The following LRRC47 variants were observed in gnomAD, a reference collection of about 807,000 sequenced individuals.
LRRC47 encodes leucine-rich repeat-containing protein 47.
In LRRC47, 31 loss-of-function variants were observed where a neutral mutation model predicts 40.9. The observed-to-expected ratio is 0.76, with a 90% CI of 0.57 to 1.02. The LOEUF is 1.02. LRRC47 is among the 50% of genes least tolerant of loss of function. The pLI, the probability that LRRC47 is intolerant of heterozygous loss-of-function variation, is 0.00. For missense variants in LRRC47, 726 were observed against 796.1 expected, an observed-to-expected ratio of 0.91 and a Z score of 1.06; for synonymous variants, 427 against 371.9, an observed-to-expected ratio of 1.15 and a Z score of -1.70.
rs535184278 is a variant in LRRC47 at position 3,780,257 on chromosome 1, G to A, written c.*831C>T. On this transcript the variant is annotated 3_prime_UTR_variant, in exon 7 of 7. Transcript: ENST00000378251. The stretch of plus-strand genomic sequence containing the variant: ...AGTTTTATTTATGTGTTTTCATCTG[G>A]AAAACCAAGTGTCCCAGCAGCATGA... 1.3e-5 allele frequency: 2 copies of A among 152,230 alleles called. No homozygotes were observed. Among genetic ancestry groups the A allele is most frequent in the East Asian group, 1.9e-4 (1 of 5,160 alleles). The allele number at this position is 152,230 out of a possible 1,614,324, so 9.4% of individuals were successfully genotyped here.
intron 2 of LRRC47, among the ~76,000 whole-genome samples, chr1:3,786,026 C>T (rs1210409063): frequency 6.6e-6 from 1 of 152,082 alleles, no homozygotes; most frequent in South Asian, 2.1e-4. Flanking sequence ...CTCACCACCA[C>T]GCCTGGCTAA....
intron 1 of LRRC47, among the ~76,000 whole-genome samples, chr1:3,790,479 C>T (rs1643617127): frequency 6.6e-6 from 1 of 152,244 alleles, no homozygotes; most frequent in Non-Finnish European, 1.5e-5. Flanking sequence ...CACACGGACA[C>T]CACACGCCTG....
At chr1:3,789,586 G>A (rs532879944) in intron 1 of LRRC47, among the ~76,000 whole-genome samples, 118 of 152,368 alleles carry the variant, frequency 7.7e-4, no homozygotes, top group Middle Eastern at 3.4e-3. Flanking sequence ...GGATGATGGC[G>A]GGCACTCGGA....
Position 3,796,401 on chromosome 1 carries a change from G to A in LRRC47, c.76C>T (p.Leu26=), listed in dbSNP as rs756095148. Residue 26 remains leucine, a synonymous_variant, in exon 1 of 7, where the codon CTG becomes TTG. Transcript: ENST00000378251. ...CGCTCCTCCAGCCCGGGCCCCGTCA[G>A]CAGCAGCTCCCGCCGCCGCTCGCGC... is the stretch of plus-strand genomic sequence containing the variant. The part of the protein sequence containing the change: ...AERERRRELL[L]TGPGLEERVR... 5 of 1,516,396 alleles carry A rather than the reference G, an allele frequency of 3.3e-6. No individual in the cohort carries two copies. The highest frequency in any genetic ancestry group is 4.0e-5 in the Admixed American group (2 of 49,812). 93.9% of individuals were successfully genotyped at this position (1,516,396 alleles called of 1,614,324 possible).
At position 3,796,009 on chromosome 1, in the gene LRRC47, C is replaced by A; in HGVS notation, c.468G>T (p.Gln156His). Residue 156 changes from glutamine (Q) to histidine (H), a missense_variant, in exon 1 of 7, where the codon CAG becomes CAT. Coordinates refer to ENST00000378251, the MANE Select transcript of LRRC47 (RefSeq NM_020710.3). ...ADLARCAPRL[Q>H]SLNLTGNCLD... is the part of the protein sequence containing the mutation. ...GGCAATTGCCGGTGAGGTTGAGGCT[C>A]TGCAGGCGCGGGGCGCAGCGCGCCA... 1 of 1,557,916 alleles carries A rather than the reference C, an allele frequency of 6.4e-7. No individual in the cohort carries two copies. The highest frequency in any genetic ancestry group is 8.7e-7 in the Non-Finnish European group (1 of 1,153,126).
At chr1:3,789,522 C>T (rs1643608203) in intron 1 of LRRC47, among the ~76,000 whole-genome samples, 1 of 152,248 alleles carries the variant, frequency 6.6e-6, no homozygotes, top group Non-Finnish European at 1.5e-5. Flanking sequence ...CCCACCGGGG[C>T]GCCCAGAGCA....
At chr1:3,793,919 G>A (rs972770292) in intron 1 of LRRC47, among the ~76,000 whole-genome samples, 2 of 152,098 alleles carry the variant, frequency 1.3e-5, no homozygotes, top group African/African-American at 2.4e-5. Flanking sequence ...AAACTCGGCC[G>A]GGCGCGGTGG....
At chr1:3,790,136 CA>C (rs1643613532) in intron 1 of LRRC47, among the ~76,000 whole-genome samples, 1 of 152,246 alleles carries the variant, frequency 6.6e-6, no homozygotes, top group Admixed American at 6.5e-5. Context: ...TCTGGCCTGG[CA>C]TACCGGCTGC....
chr1:3,785,018 A>C, intron 3 of LRRC47, 69 bp downstream of exon 3: 1 of 1,216,788 alleles, frequency 8.2e-7, no homozygotes, highest in Non-Finnish European at 1.1e-6. Context: ...TTCGGGCTGC[A>C]GTAGCAGCAT....
At position 3,786,878 on chromosome 1, in the gene LRRC47, T is replaced by A; in HGVS notation, c.1048A>T (p.Asn350Tyr). 6.2e-7 allele frequency: 1 copy of A among 1,602,326 alleles called. No homozygotes were observed. ...GAGGTGAGGAAGCGCTTGAGTGCAT[T>A]CCCTGGCTGCAGGTCCATGCCTCGC... ...VVRGMDLQPG[N>Y]ALKRFLTSQT... is the part of the protein sequence containing the mutation. The change falls in exon 2 of 7, where the codon AAT becomes TAT. Residue 350 changes from asparagine (N) to tyrosine (Y), a missense_variant. Coordinates refer to ENST00000378251, the MANE Select transcript of LRRC47 (RefSeq NM_020710.3).
chr1:3,796,119 G>A lies in LRRC47; in HGVS notation c.358C>T (p.Leu120=). Residue 120 remains leucine, a synonymous_variant, in exon 1 of 7, where the codon CTG becomes TTG. Coordinates refer to ENST00000378251, the MANE Select transcript of LRRC47 (RefSeq NM_020710.3). ...AGGCCCGGCGGCTCGGCGGGGCCCA[G>A]GCCTTGGCCCGGCGGCAGCGCCTCC... ...ALEALPPGQG[L]GPAEPPGLPQ... The A allele has an allele frequency of 7.0e-7, 1 of 1,438,610 alleles. No individual in the cohort carries two copies. Among genetic ancestry groups the A allele is most frequent in the Middle Eastern group, 2.2e-4 (1 of 4,516 alleles). The allele number at this position is 1,438,610 out of a possible 1,614,324, so 89.1% of individuals were successfully genotyped here. A position where few individuals can be genotyped will look rare whatever the true frequency, so the allele number is the denominator to read the frequency against.
At chr1:3,784,147 A>C (rs777713622) in intron 3 of LRRC47, 36 bp from the exon 4 acceptor site, 2 of 1,550,592 alleles carry the variant, frequency 1.3e-6, no homozygotes, top group African/African-American at 1.4e-5. Context: ...CACTAGGGTC[A>C]CAGCCACAGA....
chr1:3,781,278 T>TCGC lies in LRRC47; in HGVS notation c.1561_1562insGCG (p.Ser520_Asp521insGly), dbSNP rs1222601045. On this transcript the variant is annotated inframe_insertion, in exon 7 of 7. Transcript: ENST00000378251. ...TCCAGAGACTGCATCGGCTTCAGTA[T>TCGC]CTGAGAGTGATCCTTCCTCTTTATT... 7.4e-6 allele frequency: 12 copies of TCGC among 1,614,232 alleles called. No homozygotes were observed. The highest frequency in any genetic ancestry group is 8.5e-6 in the Non-Finnish European group (10 of 1,180,032).
chr1:3,787,420 C>A (rs1193803100), intron 1 of LRRC47, 110 bp from the exon 2 acceptor site: 3 of 1,109,684 alleles, frequency 2.7e-6, no homozygotes, highest in Non-Finnish European at 3.8e-6. Flanking sequence ...CCACCACTGG[C>A]CTGTCTGTGG....
chr1:3,782,769 T>A lies in LRRC47; in HGVS notation c.1311-6A>T. 6.6e-7 allele frequency: 1 copy of A among 1,504,074 alleles called. No individual in the cohort carries two copies. Among genetic ancestry groups the A allele is most frequent in the Non-Finnish European group, 9.3e-7 (1 of 1,079,714 alleles). The allele number at this position is 1,504,074 out of a possible 1,614,324, so 93.2% of individuals were successfully genotyped here. A position where few individuals can be genotyped will look rare whatever the true frequency, so the allele number is the denominator to read the frequency against. On this transcript the variant is annotated splice_region_variant and splice_polypyrimidine_tract_variant and intron_variant, in intron 4 of 6. Coordinates refer to ENST00000378251, the MANE Select transcript of LRRC47 (RefSeq NM_020710.3). ...CATCCAGCAAGTGAAGGTATCTGTA[T>A]GGGAAGAAATACAAATTCCAGGCAT...
chr1:3,796,264 C>G lies in LRRC47; in HGVS notation c.213G>C (p.Ala71=). 1 of 1,468,822 alleles carries G rather than the reference C, an allele frequency of 6.8e-7. No individual in the cohort carries two copies. Among genetic ancestry groups the G allele is most frequent in the African/African-American group, 1.5e-5 (1 of 67,892 alleles). The allele number at this position is 1,468,822 out of a possible 1,614,324, so 91.0% of individuals were successfully genotyped here. ...GSLRAPGPGL[A]QGLPQLHSLV... ...GGCTGTGCAGCTGCGGCAGGCCCTG[C>G]GCCAGGCCAGGCCCCGGCGCGCGCA... The change falls in exon 1 of 7, where the codon GCG becomes GCC. Residue 71 remains alanine, a synonymous_variant. Transcript: ENST00000378251.
At chr1:3,791,428 T>G (rs1042084644) in intron 1 of LRRC47, among the ~76,000 whole-genome samples, 1 of 152,158 alleles carries the variant, frequency 6.6e-6, no homozygotes, top group Non-Finnish European at 1.5e-5. Context: ...GCCCGTGCCT[T>G]CTGTTTTTTT....
chr1:3,787,950 G>A (rs1307047841), intron 1 of LRRC47, among the ~76,000 whole-genome samples: 2 of 152,198 alleles, frequency 1.3e-5, no homozygotes, highest in African/African-American at 2.4e-5. Flanking sequence ...GCCCACCACC[G>A]TGTGCCACAA....
intron 1 of LRRC47, among the ~76,000 whole-genome samples, chr1:3,791,313 T>C (rs983461441): frequency 6.6e-6 from 1 of 152,160 alleles, no homozygotes; most frequent in African/African-American, 2.4e-5. Flanking sequence ...ACCTCCCCCA[T>C]CTCTTTCCCT....
Sources: gnomAD v4.1 joint callset for allele counts (sites outside exome capture counted in the v4.1 genomes callset) on GRCh38, gnomAD v4.1.1 for gene constraint, MANE v1.5 for transcripts, NCBI Gene and HGNC (gene_info 2026-07-23, HGNC 2026-07-21) for gene names.